The following ZNF652 variants were observed in gnomAD, a reference collection of about 807,000 sequenced individuals.
ZNF652 encodes zinc finger protein 652.
ZNF652 carries 16 observed loss-of-function variants against 45.2 expected under a neutral mutation model. The ratio of observed to expected loss-of-function variants is 0.35; its 90% CI spans 0.24 to 0.54. The LOEUF (loss-of-function observed/expected upper bound fraction) is 0.54. ZNF652 is among the 20% of genes least tolerant of loss of function. The pLI is 0.91. For missense variants in ZNF652, 614 were observed against 765.6 expected, an observed-to-expected ratio of 0.80 and a Z score of 2.34; for synonymous variants, 250 against 260.6, an observed-to-expected ratio of 0.96 and a Z score of 0.39.
chr17:49,338,921 A>T lies in ZNF652; in HGVS notation c.-258-20938T>A, dbSNP rs2070113146. On this transcript the variant is annotated intron_variant, in intron 1 of 5. Transcript: ENST00000430262. ...GAAGCCAAGAGATTAAAAAAGACAG[A>T]GAAAAATGACCACTGAATTCAGTGA... 3.9e-5 allele frequency among the ~76,000 whole-genome samples: 6 copies of T among 152,304 alleles called. No individual in the cohort carries two copies. In the South Asian group the frequency reaches 1.2e-3, roughly 32 times the overall value.
rs1190531012 is a variant in ZNF652, at chr17:49,293,854, TCATA to T, written c.*4555_*4558del. Among the ~76,000 whole-genome samples, 2 of 152,134 alleles carry T rather than the reference TCATA, an allele frequency of 1.3e-5. No individual in the cohort carries two copies. Among genetic ancestry groups the T allele is most frequent in the African/African-American group, 4.8e-5 (2 of 41,454 alleles). ...TATCCCTTTTTTCATTAAGTACTTCTCATACAGTCTAGAACAGCATTGAAATATT... is the reference window on the plus strand; with the variant it reads ...TATCCCTTTTTTCATTAAGTACTTCTCAGTCTAGAACAGCATTGAAATATT... On this transcript the variant is annotated 3_prime_UTR_variant, in exon 6 of 6. Coordinates refer to ENST00000430262, the MANE Select transcript of ZNF652 (RefSeq NM_001145365.3).
intron 1 of ZNF652, among the ~76,000 whole-genome samples, chr17:49,353,610 C>T (rs1239796814): frequency 6.6e-6 from 1 of 151,870 alleles, no homozygotes; most frequent in Non-Finnish European, 1.5e-5. Context: ...GTGTTTTTTT[C>T]AAAGTGCCCA....
chr17:49,313,973 C>CAAAAAAAAAAAAA lies in ZNF652; in HGVS notation c.901-1141_901-1129dup, dbSNP rs71144595. ...GGCAACAAAGAGCGAAACTCCATCTCAAAAAAAAAAAAAAAAAAAAAAAAA... is the reference window on the plus strand; with the variant it reads ...GGCAACAAAGAGCGAAACTCCATCTCAAAAAAAAAAAAAAAAAAAAAAAAAAAAAAAAAAAAAA... On this transcript the variant is annotated intron_variant, in intron 2 of 5. Coordinates refer to ENST00000430262, the MANE Select transcript of ZNF652 (RefSeq NM_001145365.3). Among the ~76,000 whole-genome samples the CAAAAAAAAAAAAA allele has an allele frequency of 4.4e-4, 10 of 22,872 alleles. 2 individuals are homozygous for CAAAAAAAAAAAAA. Among genetic ancestry groups the CAAAAAAAAAAAAA allele is most frequent in the Admixed American group, 7.9e-4 (1 of 1,264 alleles). 15.0% of individuals were successfully genotyped at this position (22,872 alleles called of 152,430 possible).
intron 1 of ZNF652, among the ~76,000 whole-genome samples, chr17:49,343,620 G>A (rs921414192): frequency 5.3e-5 from 8 of 150,030 alleles, no homozygotes; most frequent in Admixed American, 4.0e-4. Flanking sequence ...CTTAATAAAC[G>A]TTTTGTTTTT....
At chr17:49,353,361 G>T (rs984077772) in intron 1 of ZNF652, among the ~76,000 whole-genome samples, 4 of 152,048 alleles carry the variant, frequency 2.6e-5, no homozygotes, top group Non-Finnish European at 5.9e-5. Context: ...TGTAGAGAGA[G>T]GTCTGACTAT....
chr17:49,292,174 C>T lies in ZNF652; in HGVS notation c.*6239G>A, dbSNP rs2069412496. On this transcript the variant is annotated 3_prime_UTR_variant, in exon 6 of 6. Coordinates refer to ENST00000430262, the MANE Select transcript of ZNF652 (RefSeq NM_001145365.3). Reference sequence around the variant, plus strand: ...ATGCTCAACTCCAAGCTTTCATTCACCTAAAAAAATGCAATCAAATCTCCT... The same window carrying T: ...ATGCTCAACTCCAAGCTTTCATTCATCTAAAAAAATGCAATCAAATCTCCT... Among the ~76,000 whole-genome samples, 1 of 151,772 alleles carries T rather than the reference C, an allele frequency of 6.6e-6. No individual in the cohort carries two copies. The highest frequency in any genetic ancestry group is 2.1e-4 in the South Asian group (1 of 4,820).
At chr17:49,320,226 C>T (rs2069871765) in intron 1 of ZNF652, among the ~76,000 whole-genome samples, 1 of 152,168 alleles carries the variant, frequency 6.6e-6, no homozygotes, top group Non-Finnish European at 1.5e-5. Flanking sequence ...AATCCTTTGT[C>T]TTCTCTTCCA....
In ZNF652 at chr17:49,303,936, C is replaced by T. The variant is rs542828993; in HGVS notation, c.1310-5012G>A. Among the ~76,000 whole-genome samples the T allele has an allele frequency of 2.4e-4, 37 of 151,794 alleles. 1 individual carries two copies. The Middle Eastern group carries it at 0.02, about 84-fold the overall frequency. ...CACAGTCTCGCTCAGTCACCCAGGC[C>T]GGAGTGCAGTGGTGTGATCTCAGCT... On this transcript the variant is annotated intron_variant, in intron 5 of 5. Transcript: ENST00000430262.
rs10609861 is a variant in ZNF652, at chr17:49,293,655, T to TAAAAAAAAAAAAAAAAAAA, written c.*4739_*4757dup. Among the ~76,000 whole-genome samples the TAAAAAAAAAAAAAAAAAAA allele has an allele frequency of 1.3e-5, 1 of 78,302 alleles. No individual in the cohort carries two copies. Among genetic ancestry groups the TAAAAAAAAAAAAAAAAAAA allele is most frequent in the African/African-American group, 4.2e-5 (1 of 23,940 alleles). The allele number at this position is 78,302 out of a possible 152,430, so 51.4% of individuals were successfully genotyped here. On this transcript the variant is annotated 3_prime_UTR_variant, in exon 6 of 6. Transcript: ENST00000430262. ...CTAATGGCTTATGACCTTTCATTCCTAAAAAAAAAAAAAAAAAAAAAAAAA... is the reference window on the plus strand; with the variant it reads ...CTAATGGCTTATGACCTTTCATTCCTAAAAAAAAAAAAAAAAAAAAAAAAAAAAAAAAAAAAAAAAAAAA...
intron 1 of ZNF652, among the ~76,000 whole-genome samples, chr17:49,333,544 C>CT (rs1472369696): frequency 3.4e-4 from 12 of 35,610 alleles, no homozygotes; most frequent in African/African-American, 1.1e-3. Context: ...CCTGTCTCTA[C>CT]TAAAAAAAAA....
chr17:49,336,717 A>T (rs1281496362), intron 1 of ZNF652, among the ~76,000 whole-genome samples: 1 of 150,544 alleles, frequency 6.6e-6, no homozygotes, highest in African/African-American at 2.4e-5. Flanking sequence ...ACCTCCACCT[A>T]CCAAGTTCAA....
At chr17:49,312,614 T>G in intron 3 of ZNF652, 84 bp downstream of exon 3, 1 of 1,476,658 alleles carries the variant, frequency 6.8e-7, no homozygotes, top group South Asian at 1.3e-5. Context: ...GGGCAATTCC[T>G]CATATCCTGC....
chr17:49,313,155 CAA>C (rs1395527294), intron 2 of ZNF652, among the ~76,000 whole-genome samples: 1 of 152,114 alleles, frequency 6.6e-6, no homozygotes, highest in Non-Finnish European at 1.5e-5. Flanking sequence ...AAAGAAACTT[CAA>C]GTTTGTTTAT....
chr17:49,322,031 A>G (rs1174300132), intron 1 of ZNF652, among the ~76,000 whole-genome samples: 1 of 152,236 alleles, frequency 6.6e-6, no homozygotes, highest in African/African-American at 2.4e-5. Flanking sequence ...GTAAAACTGA[A>G]GTCTTTGATT....
intron 5 of ZNF652, 29 bp downstream of exon 5, chr17:49,311,283 T>C: frequency 1.9e-6 from 3 of 1,609,412 alleles, no homozygotes; most frequent in Non-Finnish European, 2.6e-6. Flanking sequence ...CTTGAGACAT[T>C]ATCTGTACCT....
At chr17:49,343,672 T>A (rs891394085) in intron 1 of ZNF652, among the ~76,000 whole-genome samples, 10 of 151,774 alleles carry the variant, frequency 6.6e-5, no homozygotes, top group South Asian at 2.1e-4. Context: ...TTTTTTTTTT[T>A]AAATAACACA....
At chr17:49,334,742 G>C (rs2070061914) in intron 1 of ZNF652, among the ~76,000 whole-genome samples, 1 of 149,536 alleles carries the variant, frequency 6.7e-6, no homozygotes, top group African/African-American at 2.5e-5. Flanking sequence ...TCTTGCCACT[G>C]CACTCCAGCT....
chr17:49,360,685 CAT>C (rs1029210765), intron 1 of ZNF652, among the ~76,000 whole-genome samples: 13 of 152,252 alleles, frequency 8.5e-5, no homozygotes, highest in African/African-American at 2.9e-4. Context: ...TAAGCACACA[CAT>C]GTTGTCAACA....
At chr17:49,322,857 C>G (rs1331852082) in intron 1 of ZNF652, among the ~76,000 whole-genome samples, 16 of 152,128 alleles carry the variant, frequency 1.1e-4, no homozygotes, top group Admixed American at 1.0e-3. Context: ...TGCACTCCAG[C>G]CTGGGTGACA....
Sources: gnomAD v4.1 joint callset for allele counts (sites outside exome capture counted in the v4.1 genomes callset) on GRCh38, gnomAD v4.1.1 for gene constraint, MANE v1.5 for transcripts, NCBI Gene and HGNC (gene_info 2026-07-23, HGNC 2026-07-21) for gene names.